BRINP1: variants seen among roughly 807,000 people sequenced by gnomAD.
BRINP1 encodes BMP/retinoic acid-inducible neural-specific protein 1.
In BRINP1, 17 loss-of-function variants were observed where a neutral mutation model predicts 72.9. The ratio of observed to expected loss-of-function variants is 0.23; its 90% confidence interval spans 0.16 to 0.35. BRINP1 has a LOEUF of 0.35. BRINP1 is among the 10% of genes least tolerant of loss of function. The pLI is 1.00. For synonymous variants in BRINP1, 418 were observed against 378.5 expected, an observed-to-expected ratio of 1.10 and a Z score of -1.21; for missense variants, 850 against 1,001.6, an observed-to-expected ratio of 0.85 and a Z score of 2.04.
intron 2 of BRINP1, among the ~76,000 whole-genome samples, chr9:119,254,023 T>C (rs1401705930): frequency 6.6e-6 from 1 of 152,176 alleles, no homozygotes; most frequent in African/African-American, 2.4e-5. Context: ...TTTACCAAAG[T>C]ACACTTAAGT....
At chr9:119,361,068 T>C (rs977740922) in intron 1 of BRINP1, among the ~76,000 whole-genome samples, 12 of 152,142 alleles carry the variant, frequency 7.9e-5, no homozygotes, top group African/African-American at 2.7e-4. Context: ...CAGAATGATA[T>C]ATTTTGTGTC....
In BRINP1 at chr9:119,367,221, G is replaced by GTGATATATATATATATATATATATAT. The variant is rs1564259756; in HGVS notation, c.-51+1834_-51+1835insATATATATATATATATATATATATCA. ...TGTGTGTGTGTGTGTGTGTGTGATT[G>GTGATATATATATATATATATATATAT]ATATATATATATATATATATATCTT... is the stretch of plus-strand genomic sequence containing the variant. On this transcript the variant is annotated intron_variant, in intron 1 of 7. Transcript: ENST00000265922. 1.7e-3 allele frequency among the ~76,000 whole-genome samples: 169 copies of GTGATATATATATATATATATATATAT among 99,802 alleles called. 4 individuals are homozygous for GTGATATATATATATATATATATATAT. The highest frequency in any genetic ancestry group is 5.4e-3 in the Middle Eastern group (1 of 184). The allele number at this position is 99,802 out of a possible 152,430, so 65.5% of individuals were successfully genotyped here. A position where few individuals can be genotyped will look rare whatever the true frequency, so the allele number is the denominator to read the frequency against.
At chr9:119,234,348 C>T (rs1205410802) in intron 5 of BRINP1, among the ~76,000 whole-genome samples, 8 of 152,142 alleles carry the variant, frequency 5.3e-5, no homozygotes, top group Non-Finnish European at 1.0e-4. Flanking sequence ...CTTTAATTTA[C>T]ACTTTTTTTC....
chr9:119,176,965 C>G (rs1457648683), intron 7 of BRINP1, among the ~76,000 whole-genome samples: 1 of 152,090 alleles, frequency 6.6e-6, no homozygotes, highest in Non-Finnish European at 1.5e-5. Context: ...GATAAAACCT[C>G]CCTGACAGTA....
chr9:119,238,949 G>T (rs910523284), intron 4 of BRINP1, among the ~76,000 whole-genome samples, 189 bp from the exon 5 acceptor site: 8 of 152,206 alleles, frequency 5.3e-5, no homozygotes, highest in Non-Finnish European at 1.2e-4. Context: ...CAGGTAAGCA[G>T]GGTGGTCAAG....
At chr9:119,282,551 A>G (rs1830723767) in intron 2 of BRINP1, among the ~76,000 whole-genome samples, 1 of 152,184 alleles carries the variant, frequency 6.6e-6, no homozygotes, top group Admixed American at 6.5e-5. Context: ...AATAAGGAGG[A>G]AAAGCAAAAA....
Position 119,238,755 on chromosome 9 carries a change from T to G in BRINP1, c.585A>C (p.Thr195=). ...AGCCCAGAGGCCCAGTGCGTGTCTC[T>G]GTGACCTGCAGTAGATATCAAATAA... ...IQISTGAIKV[T]ETRTGPLGCN... is the part of the protein sequence containing the mutation. The change falls in exon 5 of 8, where the codon ACA becomes ACC. Residue 195 remains threonine, a synonymous_variant. Coordinates refer to ENST00000265922, the MANE Select transcript of BRINP1 (RefSeq NM_014618.3). 6.3e-7 allele frequency: 1 copy of G among 1,594,086 alleles called. No homozygotes were observed. The highest frequency in any genetic ancestry group is 8.6e-7 in the Non-Finnish European group (1 of 1,165,310).
At chr9:119,181,317 G>C (rs1829554695) in intron 7 of BRINP1, among the ~76,000 whole-genome samples, 1 of 152,192 alleles carries the variant, frequency 6.6e-6, no homozygotes, top group African/African-American at 2.4e-5. Context: ...TGGTCATCTA[G>C]ATCTATGATC....
chr9:119,356,494 T>C (rs1831567311), intron 1 of BRINP1, among the ~76,000 whole-genome samples: 1 of 152,298 alleles, frequency 6.6e-6, no homozygotes, highest in South Asian at 2.1e-4. Flanking sequence ...TGGCAAAGGA[T>C]GAGTGCTCAA....
At chr9:119,227,221 T>C (rs1373173340) in intron 5 of BRINP1, among the ~76,000 whole-genome samples, 1 of 152,066 alleles carries the variant, frequency 6.6e-6, no homozygotes, top group Non-Finnish European at 1.5e-5. Flanking sequence ...ATTTTACAGA[T>C]TAAAAGACCT....
rs977253344 is a variant in BRINP1, at chr9:119,301,558, A to G, written c.218+11580T>C. Among the ~76,000 whole-genome samples the G allele has an allele frequency of 2.6e-5, 4 of 152,214 alleles. No individual in the cohort carries two copies. The East Asian group carries it at 7.7e-4, about 29-fold the overall frequency. Reference sequence around the variant, plus strand: ...AGAGGTTTGACTGTAAAGGGCTAGCATAAGAAACATCTTTGTGGTGAGGGA... The same window carrying G: ...AGAGGTTTGACTGTAAAGGGCTAGCGTAAGAAACATCTTTGTGGTGAGGGA... On this transcript the variant is annotated intron_variant, in intron 2 of 7. Coordinates refer to ENST00000265922, the MANE Select transcript of BRINP1 (RefSeq NM_014618.3).
chr9:119,293,212 G>A (rs1225896539), intron 2 of BRINP1, among the ~76,000 whole-genome samples: 1 of 151,804 alleles, frequency 6.6e-6, no homozygotes, highest in African/African-American at 2.4e-5. Context: ...GGCGGGAAAA[G>A]GTGCTAAAAT....
intron 2 of BRINP1, among the ~76,000 whole-genome samples, chr9:119,271,207 A>G (rs903532839): frequency 2.6e-5 from 4 of 152,072 alleles, no homozygotes; most frequent in Non-Finnish European, 5.9e-5. Context: ...GAATGGAAAC[A>G]TGAGGTATAA....
intron 2 of BRINP1, among the ~76,000 whole-genome samples, chr9:119,312,001 A>T (rs1328922892): frequency 6.6e-6 from 1 of 152,028 alleles, no homozygotes; most frequent in Non-Finnish European, 1.5e-5. Context: ...TGCCCATCTC[A>T]TAGAGGAGGT....
chr9:119,299,431 T>C (rs1830916776), intron 2 of BRINP1, among the ~76,000 whole-genome samples: 1 of 151,938 alleles, frequency 6.6e-6, no homozygotes, highest in Non-Finnish European at 1.5e-5. Context: ...CTGACCAACA[T>C]GGAGAAACCC....
At chr9:119,229,876 T>A (rs1403403305) in intron 5 of BRINP1, among the ~76,000 whole-genome samples, 1 of 152,096 alleles carries the variant, frequency 6.6e-6, no homozygotes, top group Non-Finnish European at 1.5e-5. Context: ...ACAGCAACTA[T>A]CTTTTGAGCA....
chr9:119,252,833 C>G (rs1314150699), intron 2 of BRINP1, among the ~76,000 whole-genome samples: 1 of 152,124 alleles, frequency 6.6e-6, no homozygotes, highest in Non-Finnish European at 1.5e-5. Flanking sequence ...CCCCCACCAC[C>G]AAATTACAAG....
At chr9:119,210,828 A>G (rs1829915795) in intron 6 of BRINP1, among the ~76,000 whole-genome samples, 1 of 152,244 alleles carries the variant, frequency 6.6e-6, no homozygotes, top group Admixed American at 6.5e-5. Flanking sequence ...CAGGAATAAT[A>G]GTATCTAATC....
chr9:119,272,115 G>A (rs1229019512), intron 2 of BRINP1, among the ~76,000 whole-genome samples: 1 of 143,020 alleles, frequency 7.0e-6, no homozygotes, highest in African/African-American at 2.6e-5. Flanking sequence ...AAAACAGCCT[G>A]TCACTCAGGC....
Sources: gnomAD v4.1 joint callset for allele counts (sites outside exome capture counted in the v4.1 genomes callset) on GRCh38, gnomAD v4.1.1 for gene constraint, MANE v1.5 for transcripts, NCBI Gene and HGNC (gene_info 2026-07-23, HGNC 2026-07-21) for gene names.